The following PATJ variants were observed in gnomAD, a reference collection of about 807,000 sequenced individuals.
PATJ encodes inaD-like protein.
A neutral mutation model predicts 224.9 loss-of-function variants in PATJ; 190 were observed. The ratio of observed to expected loss-of-function variants is 0.84; its 90% confidence interval spans 0.75 to 0.95. PATJ has a LOEUF of 0.95. Among genes scored for constraint, PATJ ranks in the 40% least tolerant of loss-of-function variants. PATJ has a pLI of 0.00. For missense variants in PATJ, 2,121 were observed against 2,270.3 expected, an observed-to-expected ratio of 0.93 and a Z score of 1.34; for synonymous variants, 769 against 820.3, an observed-to-expected ratio of 0.94 and a Z score of 1.07.
At chr1:61,920,862 T>G (rs1354567927) in intron 26 of PATJ, among the ~76,000 whole-genome samples, 1 of 151,854 alleles carries the variant, frequency 6.6e-6, no homozygotes, top group African/African-American at 2.4e-5. Flanking sequence ...ATGCCCACCA[T>G]GCCCAGCTAA....
intron 29 of PATJ, among the ~76,000 whole-genome samples, chr1:62,019,716 T>C (rs1646970584): frequency 6.6e-6 from 1 of 152,002 alleles, no homozygotes; most frequent in African/African-American, 2.4e-5. Context: ...TTGGTTTTCT[T>C]GTCCTTTCTT....
intron 41 of PATJ, among the ~76,000 whole-genome samples, chr1:62,144,777 A>AATATATATATATATATATATAT (rs1553280095): frequency 8.4e-6 from 1 of 119,102 alleles, no homozygotes; most frequent in African/African-American, 3.4e-5. Flanking sequence ...AAAAAAAAAA[A>AATATATATATATATATATATAT]ATATATATAT....
At chr1:62,051,535 C>T (rs1398469864) in intron 31 of PATJ, among the ~76,000 whole-genome samples, 4 of 152,120 alleles carry the variant, frequency 2.6e-5, no homozygotes, top group Non-Finnish European at 2.9e-5. Flanking sequence ...CCATGTTAGC[C>T]AGGCTGGTCT....
At chr1:61,759,845 T>A (rs558950096) in intron 1 of PATJ, among the ~76,000 whole-genome samples, 1 of 152,350 alleles carries the variant, frequency 6.6e-6, no homozygotes, top group South Asian at 2.1e-4. Flanking sequence ...TGTACACTCT[T>A]AGGACAACTT....
intron 1 of PATJ, among the ~76,000 whole-genome samples, chr1:61,753,263 G>A (rs745866368): frequency 5.7e-4 from 86 of 152,092 alleles, no homozygotes; most frequent in Non-Finnish European, 1.9e-4. Context: ...GGTTCAATGA[G>A]CTCTGGAAAA....
intron 7 of PATJ, among the ~76,000 whole-genome samples, chr1:61,781,585 G>A (rs1647340816): frequency 6.6e-6 from 1 of 152,150 alleles, no homozygotes; most frequent in Non-Finnish European, 1.5e-5. Flanking sequence ...ATCCAAATTA[G>A]CCTCTGAAAG....
chr1:62,021,291 C>G (rs1169948063), intron 29 of PATJ, among the ~76,000 whole-genome samples: 4 of 152,124 alleles, frequency 2.6e-5, no homozygotes, highest in Non-Finnish European at 4.4e-5. Flanking sequence ...GGCACTAATC[C>G]CATCATGAGG....
chr1:62,016,587 G>A (rs1393419368), intron 28 of PATJ, among the ~76,000 whole-genome samples: 2 of 152,130 alleles, frequency 1.3e-5, no homozygotes. Flanking sequence ...AAATAAGAGA[G>A]TTTCCAGCTA....
At chr1:62,043,359 A>G (rs1008522623) in intron 30 of PATJ, among the ~76,000 whole-genome samples, 6 of 152,250 alleles carry the variant, frequency 3.9e-5, no homozygotes, top group Non-Finnish European at 7.3e-5. Context: ...AGACAGAGCC[A>G]AGTCTCAATC....
At chr1:61,777,362 C>G (rs1044822580) in intron 7 of PATJ, among the ~76,000 whole-genome samples, 1 of 151,930 alleles carries the variant, frequency 6.6e-6, no homozygotes, top group Non-Finnish European at 1.5e-5. Flanking sequence ...CCCAGGAGTT[C>G]GATACCAGCC....
chr1:61,869,517 A>C lies in PATJ; in HGVS notation c.2835+4884A>C, dbSNP rs149486151. Among the ~76,000 whole-genome samples the C allele has an allele frequency of 5.9e-3, 891 of 152,284 alleles. 8 individuals carry two copies. Among genetic ancestry groups the C allele is most frequent in the African/African-American group, 0.02 (830 of 41,546 alleles). ...CCCACCTCAAGAGGGAATGTTTGAT[A>C]GCCTCATTTCCTAGAACTTGCTGCT... On this transcript the variant is annotated intron_variant, in intron 20 of 43. Transcript: ENST00000642238.
At chr1:62,120,468 T>G (rs1203964926) in intron 37 of PATJ, among the ~76,000 whole-genome samples, 2 of 149,064 alleles carry the variant, frequency 1.3e-5, no homozygotes, top group African/African-American at 5.2e-5. Flanking sequence ...TTTGCAATGT[T>G]TTCGTCTACA....
chr1:61,793,762 T>C (rs902100984), intron 9 of PATJ, among the ~76,000 whole-genome samples: 3 of 151,848 alleles, frequency 2.0e-5, no homozygotes, highest in African/African-American at 7.3e-5. Flanking sequence ...CAGACTTTTA[T>C]TTTCTTGGAA....
intron 31 of PATJ, among the ~76,000 whole-genome samples, chr1:62,072,239 G>C (rs929989567): frequency 6.6e-6 from 1 of 152,126 alleles, no homozygotes; most frequent in Non-Finnish European, 1.5e-5. Flanking sequence ...CCTCCGTGGG[G>C]TTTAGAGCTA....
chr1:61,973,560 C>T (rs1056986714), intron 27 of PATJ, among the ~76,000 whole-genome samples: 4 of 151,938 alleles, frequency 2.6e-5, no homozygotes, highest in Non-Finnish European at 5.9e-5. Flanking sequence ...TTAATGTTGT[C>T]AGTGCCACTG....
chr1:62,120,986 G>A, intron 37 of PATJ, 195 bp from the exon 38 acceptor site: 1 of 473,522 alleles, frequency 2.1e-6, no homozygotes, highest in Non-Finnish European at 3.7e-6. Flanking sequence ...AGCAATGGAG[G>A]AAATGTCTAA....
At chr1:61,855,915 C>A (rs911188500) in intron 17 of PATJ, 115 bp from the exon 18 acceptor site, 2 of 718,828 alleles carry the variant, frequency 2.8e-6, no homozygotes, top group Non-Finnish European at 4.9e-6. Context: ...CACCAGAGTG[C>A]CAGACACATG....
At chr1:62,049,745 G>A (rs1570325913) in intron 30 of PATJ, among the ~76,000 whole-genome samples, 1 of 152,106 alleles carries the variant, frequency 6.6e-6, no homozygotes, top group African/African-American at 2.4e-5. Flanking sequence ...CATATTTTCA[G>A]GATTCTGCAG....
intron 17 of PATJ, among the ~76,000 whole-genome samples, chr1:61,836,005 C>T (rs1029474051): frequency 1.2e-4 from 18 of 151,994 alleles, no homozygotes; most frequent in Non-Finnish European, 2.5e-4. Flanking sequence ...CTGACATTAT[C>T]TGTAAGTTTT....
Sources: gnomAD v4.1 joint callset for allele counts (sites outside exome capture counted in the v4.1 genomes callset) on GRCh38, gnomAD v4.1.1 for gene constraint, MANE v1.5 for transcripts, NCBI Gene and HGNC (gene_info 2026-07-23, HGNC 2026-07-21) for gene names.